WWOX: variants seen among roughly 807,000 people sequenced by gnomAD.
The protein encoded by WWOX is WW domain-containing oxidoreductase.
A neutral mutation model predicts 46.2 loss-of-function variants in WWOX; 69 were observed. That is an observed-to-expected ratio of 1.49 (90% CI 1.23 to 1.82). The LOEUF (loss-of-function observed/expected upper bound fraction) is 1.82, where lower values mean the gene tolerates loss of function less well. Among genes scored for constraint, WWOX ranks in the 40% most tolerant of loss-of-function variants. WWOX has a pLI of 0.00. For synonymous variants in WWOX, 359 were observed against 202.6 expected (o/e 1.77, Z -6.56); for missense variants, 919 against 542.6 (o/e 1.69, Z -6.89).
chr16:78,979,606 G>C (rs1407609947), intron 8 of WWOX, among the ~76,000 whole-genome samples: 1 of 152,108 alleles, frequency 6.6e-6, no homozygotes, highest in East Asian at 1.9e-4. Flanking sequence ...AGTCAAATGG[G>C]AGTTTCTACC....
At position 78,640,951 on chromosome 16, in the gene WWOX, AAAG is replaced by A. The variant is rs1209347316; in HGVS notation, c.1056+208208_1056+208210del. ...GAGATTCTGTCTTCAAAAAAAAAAAAAAGAAGAAGAAAAGAAAGGAAGGACAGA... is the reference window on the plus strand; with the variant it reads ...GAGATTCTGTCTTCAAAAAAAAAAAAAAGAAGAAAAGAAAGGAAGGACAGA... On this transcript the variant is annotated intron_variant, in intron 8 of 8. Coordinates refer to ENST00000566780, the MANE Select transcript of WWOX (RefSeq NM_016373.4). Among the ~76,000 whole-genome samples, 10 of 151,596 alleles carry A rather than the reference AAAG, an allele frequency of 6.6e-5. No individual in the cohort carries two copies. In the East Asian group the frequency reaches 7.8e-4, roughly 12 times the overall value.
At chr16:78,268,358 G>T (rs2079409920) in intron 5 of WWOX, among the ~76,000 whole-genome samples, 1 of 152,072 alleles carries the variant, frequency 6.6e-6, no homozygotes, top group African/African-American at 2.4e-5. Flanking sequence ...ATCATCCTGG[G>T]TTGCCATCTT....
intron 8 of WWOX, among the ~76,000 whole-genome samples, chr16:79,137,607 G>A (rs987581316): frequency 1.3e-5 from 2 of 152,116 alleles, no homozygotes; most frequent in African/African-American, 4.8e-5. Flanking sequence ...GTTCACCTTT[G>A]GCTCTGACCT....
At chr16:78,686,601 G>T (rs2047866582) in intron 8 of WWOX, among the ~76,000 whole-genome samples, 1 of 152,140 alleles carries the variant, frequency 6.6e-6, no homozygotes, top group South Asian at 2.1e-4. Context: ...AGTGGGCCCA[G>T]CTATTTGTGT....
chr16:78,718,174 A>T (rs1597486782), intron 8 of WWOX, among the ~76,000 whole-genome samples: 1 of 150,676 alleles, frequency 6.6e-6, no homozygotes, highest in East Asian at 1.9e-4. Flanking sequence ...ATGGCTGCCC[A>T]AGTTATTATT....
intron 8 of WWOX, among the ~76,000 whole-genome samples, chr16:78,584,955 A>C (rs985800962): frequency 2.0e-4 from 30 of 152,232 alleles, no homozygotes; most frequent in African/African-American, 6.8e-4. Context: ...GGGTTTTCCC[A>C]ACAACTGAGG....
At chr16:78,864,754 CTTTTTTTT>C (rs57606576) in intron 8 of WWOX, among the ~76,000 whole-genome samples, 4 of 87,160 alleles carry the variant, frequency 4.6e-5, no homozygotes, top group Admixed American at 4.3e-4. Context: ...TCTCCAACTC[CTTTTTTTT>C]TTTTTTTTTT....
At chr16:78,380,669 G>A (rs527777986) in intron 5 of WWOX, among the ~76,000 whole-genome samples, 1 of 152,106 alleles carries the variant, frequency 6.6e-6, no homozygotes, top group African/African-American at 2.4e-5. Context: ...CTACTGATCA[G>A]GTATCATGTT....
intron 8 of WWOX, among the ~76,000 whole-genome samples, chr16:79,022,868 C>G (rs543335321): frequency 1.4e-4 from 21 of 152,242 alleles, no homozygotes; most frequent in Non-Finnish European, 2.2e-4. Flanking sequence ...CACTTTCTGG[C>G]TTTGTGACCT....
chr16:78,271,536 C>T (rs1458823396), intron 5 of WWOX, among the ~76,000 whole-genome samples: 1 of 152,222 alleles, frequency 6.6e-6, no homozygotes, highest in African/African-American at 2.4e-5. Context: ...TGGATGTAGG[C>T]AGGGAGCCTA....
At chr16:78,752,309 G>A (rs1402010597) in intron 8 of WWOX, among the ~76,000 whole-genome samples, 1 of 151,864 alleles carries the variant, frequency 6.6e-6, no homozygotes, top group Non-Finnish European at 1.5e-5. Flanking sequence ...TGTTTTTGAC[G>A]GAGTCTCACA....
chr16:78,324,083 T>C (rs2080553255), intron 5 of WWOX, among the ~76,000 whole-genome samples: 1 of 152,074 alleles, frequency 6.6e-6, no homozygotes, highest in Non-Finnish European at 1.5e-5. Flanking sequence ...TGTTCAAGGC[T>C]ACAGTAAGCT....
intron 8 of WWOX, among the ~76,000 whole-genome samples, chr16:78,547,093 A>C (rs1048988326): frequency 7.2e-6 from 1 of 139,536 alleles, no homozygotes; most frequent in Non-Finnish European, 1.5e-5. Context: ...ATGCCACTGC[A>C]CTCCAGCCTG....
intron 8 of WWOX, among the ~76,000 whole-genome samples, chr16:78,652,892 G>C (rs190148983): frequency 6.6e-6 from 1 of 152,124 alleles, no homozygotes; most frequent in African/African-American, 2.4e-5. Flanking sequence ...GCCCATCACA[G>C]TTCTGGAGTT....
chr16:78,425,662 T>G (rs2083058836), intron 7 of WWOX, among the ~76,000 whole-genome samples: 1 of 152,184 alleles, frequency 6.6e-6, no homozygotes, highest in Non-Finnish European at 1.5e-5. Flanking sequence ...TCCTCGTATT[T>G]TCAGCATATT....
intron 8 of WWOX, among the ~76,000 whole-genome samples, chr16:78,767,482 C>CTGTGTGTGTGTGTG (rs3051061): frequency 1.4e-5 from 2 of 143,036 alleles, no homozygotes; most frequent in East Asian, 2.0e-4. Context: ...GTGTGTGTGT[C>CTGTGTGTGTGTGTG]TGTGTGTGTG....
intron 8 of WWOX, among the ~76,000 whole-genome samples, chr16:78,662,959 A>T (rs2047251455): frequency 6.6e-6 from 1 of 152,136 alleles, no homozygotes; most frequent in Non-Finnish European, 1.5e-5. Context: ...TGTTTTTTTA[A>T]CTTAATCTTG....
At chr16:78,723,851 A>T (rs9939915) in intron 8 of WWOX, among the ~76,000 whole-genome samples, 2 of 151,956 alleles carry the variant, frequency 1.3e-5, no homozygotes, top group East Asian at 3.9e-4. Flanking sequence ...AATTTCAGTG[A>T]TTTCACATTT....
intron 8 of WWOX, among the ~76,000 whole-genome samples, chr16:79,115,140 G>A (rs1483742229): frequency 6.6e-6 from 1 of 152,162 alleles, no homozygotes; most frequent in Non-Finnish European, 1.5e-5. Flanking sequence ...TAACTCCTTC[G>A]TGTTCCCCAT....
Sources: allele counts gnomAD v4.1 joint callset (sites outside exome capture counted in the v4.1 genomes callset), GRCh38; gene constraint gnomAD v4.1.1; transcripts MANE v1.5; gene names NCBI Gene and HGNC (gene_info 2026-07-23, HGNC 2026-07-21).